Variants in KIF13B observed in about 807,000 individuals in gnomAD.
KIF13B encodes kinesin-like protein KIF13B.
In KIF13B, 127 loss-of-function variants were observed where a neutral mutation model predicts 222.0. That is an observed-to-expected ratio of 0.57 (90% confidence interval 0.50 to 0.66). The LOEUF is 0.66. Ranked by LOEUF, KIF13B falls within the 30% of genes least tolerant of loss-of-function variation. The pLI, the probability that KIF13B is intolerant of heterozygous loss-of-function variation, is 0.00. For missense variants in KIF13B, 2,173 were observed against 2,379.0 expected, an observed-to-expected ratio of 0.91 and a Z score of 1.80; for synonymous variants, 976 against 919.0, an observed-to-expected ratio of 1.06 and a Z score of -1.12.
rs368227895 is a variant in KIF13B, at chr8:29,130,573, G to A, written c.3035C>T (p.Ala1012Val). The A allele has an allele frequency of 1.0e-4, 163 of 1,613,534 alleles. No individual in the cohort carries two copies. The highest frequency in any genetic ancestry group is 1.6e-4 in the Middle Eastern group (1 of 6,084). ...GEYCPVEVISAKDVPTGGIFQ... is the reference protein window; with the variant it reads ...GEYCPVEVISVKDVPTGGIFQ... ...GATTCCTCCTGTTGGGACATCCTTT[G>A]CAGAAATCACTTCTACAGGGCAGTA... Residue 1012 changes from alanine to valine, a missense_variant, in exon 24 of 40, where the codon GCA (alanine) becomes GTA (valine). Transcript: ENST00000524189.
chr8:29,258,684 AT>A (rs969536228), intron 1 of KIF13B, among the ~76,000 whole-genome samples: 2 of 152,088 alleles, frequency 1.3e-5, no homozygotes, highest in African/African-American at 4.8e-5. Context: ...AATACATGCC[AT>A]CCCCTCTCCC....
intron 34 of KIF13B, 47 bp downstream of exon 34, chr8:29,109,387 G>A (rs1809247590): frequency 1.4e-6 from 2 of 1,401,420 alleles, no homozygotes; most frequent in Admixed American, 1.7e-5. Flanking sequence ...AAAGAGGAGA[G>A]GAGAGAAGTC....
At chr8:29,199,148 T>C (rs1298238420) in intron 2 of KIF13B, among the ~76,000 whole-genome samples, 1 of 149,174 alleles carries the variant, frequency 6.7e-6, no homozygotes. Context: ...TCTGGAGAGG[T>C]TACTGACATG....
chr8:29,095,903 A>C (rs1808499766), intron 36 of KIF13B, among the ~76,000 whole-genome samples: 1 of 152,206 alleles, frequency 6.6e-6, no homozygotes, highest in East Asian at 1.9e-4. Context: ...AACAAAACGA[A>C]ACAAAAAACA....
intron 5 of KIF13B, among the ~76,000 whole-genome samples, chr8:29,188,113 A>G (rs1391359837): frequency 6.6e-6 from 1 of 152,262 alleles, no homozygotes; most frequent in East Asian, 1.9e-4. Context: ...TCTTTTCTTG[A>G]CCACAGAGAC....
chr8:29,172,618 C>A (rs1312910044), intron 10 of KIF13B, among the ~76,000 whole-genome samples: 1 of 152,116 alleles, frequency 6.6e-6, no homozygotes, highest in African/African-American at 2.4e-5. Context: ...GAAAATTAAC[C>A]TTTGATAAGA....
Position 29,152,058 on chromosome 8 carries a change from G to A in KIF13B, c.1536-1675C>T, listed in dbSNP as rs150905262. ...GAGTCCAATCATCATGGATGCCTTC[G>A]GGGGGTTCAAGACTTTAGGGGAGGA... On this transcript the variant is annotated intron_variant, in intron 14 of 39. Coordinates refer to ENST00000524189, the MANE Select transcript of KIF13B (RefSeq NM_015254.4). Among the ~76,000 whole-genome samples, 691 of 152,208 alleles carry A rather than the reference G, an allele frequency of 4.5e-3. 6 individuals carry two copies. The highest frequency in any genetic ancestry group is 0.015 in the African/African-American group (627 of 41,532).
chr8:29,157,537 T>C (rs1811590126), intron 13 of KIF13B, among the ~76,000 whole-genome samples: 1 of 151,600 alleles, frequency 6.6e-6, no homozygotes, highest in Non-Finnish European at 1.5e-5. Flanking sequence ...ACCTTGTCTC[T>C]ACTAAGAATA....
At chr8:29,194,750 A>C (rs1813343216) in intron 3 of KIF13B, among the ~76,000 whole-genome samples, 2 of 152,212 alleles carry the variant, frequency 1.3e-5, no homozygotes, top group Non-Finnish European at 2.9e-5. Context: ...ATAACATAGA[A>C]GCATAAAGGA....
intron 10 of KIF13B, among the ~76,000 whole-genome samples, chr8:29,167,789 T>C (rs1232267411): frequency 1.3e-5 from 2 of 152,212 alleles, no homozygotes. Flanking sequence ...TAGGGAGTTT[T>C]AGCCTTTGAT....
intron 2 of KIF13B, among the ~76,000 whole-genome samples, chr8:29,213,918 C>T (rs1269396594): frequency 1.3e-5 from 2 of 152,010 alleles, no homozygotes; most frequent in African/African-American, 4.8e-5. Flanking sequence ...TGAGCCACAG[C>T]ACTCCAGTCT....
chr8:29,177,730 T>C (rs1013872487), intron 8 of KIF13B, among the ~76,000 whole-genome samples, 152 bp from the exon 9 acceptor site: 29 of 152,120 alleles, frequency 1.9e-4, no homozygotes, highest in Non-Finnish European at 3.7e-4. Flanking sequence ...AGCAAAATCC[T>C]GTCTCCACAA....
At chr8:29,203,251 T>C (rs112370547) in intron 2 of KIF13B, among the ~76,000 whole-genome samples, 121 of 152,346 alleles carry the variant, frequency 7.9e-4, no homozygotes, top group African/African-American at 2.6e-3. Flanking sequence ...TTTACTGGTC[T>C]TCCTTTCACC....
In KIF13B at chr8:29,241,853, ATTT is replaced by A. The variant is rs34946980; in HGVS notation, c.149+3490_149+3492del. ...TGAAATGCGAAGATTGAGACAAAAT[ATTT>A]TTTTTAAAAAAGATATGAGGCAAAA... is the stretch of plus-strand genomic sequence containing the variant. On this transcript the variant is annotated intron_variant, in intron 2 of 39. Coordinates refer to ENST00000524189, the MANE Select transcript of KIF13B (RefSeq NM_015254.4). Among the ~76,000 whole-genome samples, 4 of 152,132 alleles carry A rather than the reference ATTT, an allele frequency of 2.6e-5. No homozygotes were observed. In the South Asian group the frequency reaches 8.3e-4, roughly 32 times the overall value.
At chr8:29,114,762 T>C (rs1025380340) in intron 31 of KIF13B, among the ~76,000 whole-genome samples, 2 of 152,110 alleles carry the variant, frequency 1.3e-5, no homozygotes, top group African/African-American at 4.8e-5. Context: ...GTCCCTACAA[T>C]AGAAACAAAA....
At chr8:29,180,064 T>C (rs1462668075) in intron 8 of KIF13B, 40 bp downstream of exon 8, 8 of 1,609,138 alleles carry the variant, frequency 5.0e-6, no homozygotes, top group African/African-American at 4.0e-5. Flanking sequence ...CACAATCCAC[T>C]TTAGAAATAT....
Position 29,134,126 on chromosome 8 carries a change from GCTC to G in KIF13B, c.2695_2697del (p.Glu899del). ...TCCACTTCAGGAGCGACAATCACCG[GCTC>G]CTGTTGATCCCAGAAGCTGTATTTG... is the stretch of plus-strand genomic sequence containing the variant. On this transcript the variant is annotated inframe_deletion, in exon 22 of 40. Coordinates refer to ENST00000524189, the MANE Select transcript of KIF13B (RefSeq NM_015254.4). 2 of 1,613,966 alleles carry G rather than the reference GCTC, an allele frequency of 1.2e-6. No individual in the cohort carries two copies. The highest frequency in any genetic ancestry group is 1.7e-6 in the Non-Finnish European group (2 of 1,179,844).
intron 37 of KIF13B, among the ~76,000 whole-genome samples, chr8:29,085,096 T>C (rs1334769067): frequency 6.6e-6 from 1 of 152,240 alleles, no homozygotes; most frequent in African/African-American, 2.4e-5. Flanking sequence ...CTATTGACTT[T>C]TGTCTTACAA....
intron 36 of KIF13B, among the ~76,000 whole-genome samples, chr8:29,096,293 C>CTT (rs61008499): frequency 1.2e-3 from 90 of 76,694 alleles, no homozygotes; most frequent in African/African-American, 3.6e-3. Flanking sequence ...CCAAGCTTTT[C>CTT]TTTTTTTTTT....
Sources: allele counts gnomAD v4.1 joint callset (sites outside exome capture counted in the v4.1 genomes callset), GRCh38; gene constraint gnomAD v4.1.1; transcripts MANE v1.5; gene names NCBI Gene and HGNC (gene_info 2026-07-23, HGNC 2026-07-21).